Variants in SERINC2 observed in about 807,000 individuals in gnomAD.
The protein encoded by SERINC2 is serine incorporator 2, also known as tumor differentially expressed protein 2.
A neutral mutation model predicts 54.2 loss-of-function variants in SERINC2; 56 were observed. The ratio of observed to expected loss-of-function variants is 1.03; its 90% CI spans 0.83 to 1.29. The LOEUF (loss-of-function observed/expected upper bound fraction) is 1.29, where lower values mean the gene tolerates loss of function less well. Ranked by LOEUF, SERINC2 falls within the 50% of genes most tolerant of loss-of-function variation. The probability of loss-of-function intolerance (pLI) is 0.00; values close to 1 mark genes in which losing one functional copy is unlikely to be tolerated. For synonymous variants in SERINC2, 272 were observed against 253.1 expected (o/e 1.07, Z -0.71); for missense variants, 614 against 607.4 (o/e 1.01, Z -0.12).
chr1:31,424,328 A>G (rs1553133187), intron 2 of SERINC2, among the ~76,000 whole-genome samples: 2 of 152,224 alleles, frequency 1.3e-5, no homozygotes, highest in Non-Finnish European at 2.9e-5. Context: ...GAGGGGCCAC[A>G]GAATCTCTGT....
chr1:31,426,066 T>TG (rs1272878826), intron 5 of SERINC2, 153 bp downstream of exon 5: 61 of 782,294 alleles, frequency 7.8e-5, no homozygotes, highest in South Asian at 7.7e-4. Context: ...CCCAGGGAGA[T>TG]GGGGGGCACC....
At chr1:31,432,048 C>CAGGGTGGACAGGGTGGAT (rs1641268739) in intron 8 of SERINC2, among the ~76,000 whole-genome samples, 2 of 17,474 alleles carry the variant, frequency 1.1e-4, no homozygotes, top group Non-Finnish European at 2.2e-4. Flanking sequence ...ACAGGGTGGA[C>CAGGGTGGACAGGGTGGAT]AGGGTGGACA....
intron 1 of SERINC2, 111 bp from the exon 2 acceptor site, chr1:31,423,582 A>G (rs1640952028): frequency 1.8e-6 from 2 of 1,117,404 alleles, no homozygotes; most frequent in Non-Finnish European, 2.5e-6. Flanking sequence ...TCTGGGGAAC[A>G]GTGTGCTCCT....
rs1553134179 is a variant in SERINC2, at chr1:31,429,541, A to G, written c.1013+3A>G. The G allele has an allele frequency of 1.2e-6, 2 of 1,602,438 alleles. No individual in the cohort carries two copies. Among genetic ancestry groups the G allele is most frequent in the East Asian group, 2.2e-5 (1 of 44,598 alleles). The stretch of plus-strand genomic sequence containing the variant: ...CTCCTGTGCACCCTCTTCATCAGGT[A>G]TGGCCAGGTCTGGATTCTGGGGAAG... On this transcript the variant is annotated splice_donor_region_variant and intron_variant, in intron 8 of 9. Transcript: ENST00000373709.
At chr1:31,416,699 GTATGT>G (rs1193894522) in intron 1 of SERINC2, among the ~76,000 whole-genome samples, 9 of 152,152 alleles carry the variant, frequency 5.9e-5, no homozygotes, top group African/African-American at 2.2e-4. Flanking sequence ...CAAGGAGTTT[GTATGT>G]TATTTCATTT....
At position 31,426,639 on chromosome 1, in the gene SERINC2, A is replaced by G. The variant is rs782780536; in HGVS notation, c.611-15A>G. 5 of 1,591,012 alleles carry G rather than the reference A, an allele frequency of 3.1e-6. No individual in the cohort carries two copies. Among genetic ancestry groups the G allele is most frequent in the Non-Finnish European group, 4.3e-6 (5 of 1,163,360 alleles). On this transcript the variant is annotated splice_polypyrimidine_tract_variant and intron_variant, in intron 5 of 9. Transcript: ENST00000373709. ...CCCACCCACTGCCTACCCTCTCACTACCCCTCTGGCCCAGGCCTCTTCTTC... is the reference window on the plus strand; with the variant it reads ...CCCACCCACTGCCTACCCTCTCACTGCCCCTCTGGCCCAGGCCTCTTCTTC...
Position 31,434,372 on chromosome 1 carries a change from C to T in SERINC2, c.*173C>T, listed in dbSNP as rs1003163724. The T allele has an allele frequency of 1.4e-4, 92 of 640,936 alleles. No homozygotes were observed. The highest frequency in any genetic ancestry group is 1.6e-4 in the South Asian group (8 of 51,456). 39.7% of individuals were successfully genotyped at this position (640,936 alleles called of 1,614,324 possible). On this transcript the variant is annotated 3_prime_UTR_variant, in exon 10 of 10. Coordinates refer to ENST00000373709, the MANE Select transcript of SERINC2 (RefSeq NM_178865.5). ...TTCTAGTCGTAGTGCCTTCAGGGTC[C>T]GAGGAGCATCAGGCTCCTGCAGAGC...
chr1:31,414,378 G>GGCTGCT (rs1237494464), intron 1 of SERINC2: 9 of 1,225,136 alleles, frequency 7.3e-6, no homozygotes, highest in Non-Finnish European at 8.1e-6. Flanking sequence ...GGGCTGCAGC[G>GGCTGCT]GCTGCTGAAT....
In SERINC2 at chr1:31,424,571, G is replaced by A. The variant is rs1640982169; in HGVS notation, c.202-112G>A. 3 of 859,270 alleles carry A rather than the reference G, an allele frequency of 3.5e-6. No individual in the cohort carries two copies. The South Asian group carries it at 5.4e-5, about 16-fold the overall frequency. The allele number at this position is 859,270 out of a possible 1,614,324, so 53.2% of individuals were successfully genotyped here. On this transcript the variant is annotated intron_variant, in intron 2 of 9. Coordinates refer to ENST00000373709, the MANE Select transcript of SERINC2 (RefSeq NM_178865.5). ...TCCCTGTCTGGTCCAGCCCCTGCTG[G>A]GAGAGCCTCTTTCCTGGCCGGCCTT...
At chr1:31,429,644 C>CA in intron 8 of SERINC2, 106 bp downstream of exon 8, 1 of 1,226,704 alleles carries the variant, frequency 8.2e-7, no homozygotes, top group Non-Finnish European at 1.1e-6. Context: ...GTGCTCTTCA[C>CA]ATTCAATATA....
At chr1:31,423,594 C>A in intron 1 of SERINC2, 99 bp from the exon 2 acceptor site, 1 of 1,257,460 alleles carries the variant, frequency 8.0e-7, no homozygotes, top group Non-Finnish European at 1.1e-6. Context: ...TGTGCTCCTG[C>A]CTAGCGCAGC....
At position 31,424,731 on chromosome 1, in the gene SERINC2, G is replaced by T; in HGVS notation, c.250G>T (p.Gly84Cys). The T allele has an allele frequency of 6.2e-7, 1 of 1,609,896 alleles. No homozygotes were observed. Residue 84 changes from glycine (G) to cysteine (C), a missense_variant, in exon 3 of 10, where the codon GGC becomes TGC. Gly to Cys is a radical substitution (Grantham distance 159). Transcript: ENST00000373709. The part of the protein sequence containing the change: ...EGAGIPTVLQ[G>C]HIDCGSLLGY... ...GGCCGGGATCCCCACCGTCCTGCAG[G>T]GCCACATCGACTGTGGCTCCCTGCT...
rs782785007 is a variant in SERINC2 at position 31,424,772 on chromosome 1, C to G, written c.291C>G (p.Val97=). Residue 97 remains valine (V), a synonymous_variant, in exon 3 of 10, where the codon GTC becomes GTG. Coordinates refer to ENST00000373709, the MANE Select transcript of SERINC2 (RefSeq NM_178865.5). The part of the protein sequence containing the change: ...DCGSLLGYRA[V]YRMCFATAAF... Reference sequence around the variant, plus strand: ...GCTCCCTGCTTGGCTACCGCGCTGTCTACCGCATGTGCTTCGCCACGGCGG... The same window carrying G: ...GCTCCCTGCTTGGCTACCGCGCTGTGTACCGCATGTGCTTCGCCACGGCGG... 4.3e-6 allele frequency: 7 copies of G among 1,612,398 alleles called. No homozygotes were observed. The South Asian group carries it at 7.7e-5, about 18-fold the overall frequency.
chr1:31,426,087 G>A (rs1198255804), intron 5 of SERINC2, 174 bp downstream of exon 5: 4 of 683,140 alleles, frequency 5.9e-6, no homozygotes, highest in East Asian at 2.9e-5. Context: ...AGCTGATCCT[G>A]GGATGACTTC....
chr1:31,410,934 T>C (rs572546707), upstream of SERINC2, among the ~76,000 whole-genome samples: 4 of 152,324 alleles, frequency 2.6e-5, no homozygotes, highest in South Asian at 8.3e-4. Flanking sequence ...TTGAGACTGC[T>C]TGGTGGCATT....
chr1:31,420,470 G>A (rs1253607703), intron 1 of SERINC2, among the ~76,000 whole-genome samples: 1 of 152,178 alleles, frequency 6.6e-6, no homozygotes, highest in Non-Finnish European at 1.5e-5. Flanking sequence ...GGGCACCTGG[G>A]CACCTGGCTC....
intron 1 of SERINC2, among the ~76,000 whole-genome samples, chr1:31,415,398 G>A (rs1242106270): frequency 2.6e-5 from 4 of 152,246 alleles, no homozygotes; most frequent in South Asian, 2.1e-4. Flanking sequence ...GTACTGTTCC[G>A]AGCCCCTCAC....
intron 5 of SERINC2, 67 bp from the exon 6 acceptor site, chr1:31,426,587 G>A: frequency 7.3e-7 from 1 of 1,366,714 alleles, no homozygotes; most frequent in South Asian, 1.4e-5. Flanking sequence ...GGTCCCTCGA[G>A]GGAGTAGGGA....
chr1:31,428,894 AG>A, intron 6 of SERINC2, 83 bp from the exon 7 acceptor site: 1 of 940,548 alleles, frequency 1.1e-6, no homozygotes, highest in Non-Finnish European at 1.6e-6. Flanking sequence ...GGAGTTTCTG[AG>A]GTCCCTTGGC....
Sources: allele counts gnomAD v4.1 joint callset (sites outside exome capture counted in the v4.1 genomes callset), GRCh38; gene constraint gnomAD v4.1.1; transcripts MANE v1.5; gene names NCBI Gene and HGNC (gene_info 2026-07-23, HGNC 2026-07-21).